Variants in CAPN14 observed in about 807,000 individuals in gnomAD.
CAPN14 encodes calpain 14.
Under a neutral mutation model 101.3 loss-of-function variants are expected in CAPN14, and 94 were observed. That is an observed-to-expected ratio of 0.93 (90% CI 0.79 to 1.10). The LOEUF (loss-of-function observed/expected upper bound fraction) is 1.10. Ranked by LOEUF, CAPN14 falls within the 50% of genes least tolerant of loss-of-function variation. The probability of loss-of-function intolerance (pLI) is 0.00; values close to 1 mark genes in which losing one functional copy is unlikely to be tolerated. For synonymous variants in CAPN14, 338 were observed against 317.9 expected (o/e 1.06, Z -0.67); for missense variants, 837 against 828.4 (o/e 1.01, Z -0.13).
chr2:31,187,611 A>G, intron 15 of CAPN14, 147 bp downstream of exon 15: 1 of 650,044 alleles, frequency 1.5e-6, no homozygotes. Context: ...GAGGACTTTA[A>G]TAGAAAGTGG....
intron 8 of CAPN14, among the ~76,000 whole-genome samples, chr2:31,195,684 G>T (rs1681438419): frequency 6.6e-6 from 1 of 152,154 alleles, no homozygotes; most frequent in Non-Finnish European, 1.5e-5. Flanking sequence ...ATCCCAGAGG[G>T]TCTACAATTT....
chr2:31,191,320 TCTAA>T, intron 12 of CAPN14, 75 bp downstream of exon 12: 1 of 1,370,250 alleles, frequency 7.3e-7, no homozygotes. Flanking sequence ...CCTGCTCCAG[TCTAA>T]CTAAATCCTG....
intron 7 of CAPN14, 120 bp from the exon 8 acceptor site, chr2:31,197,454 C>T (rs1027984870): frequency 1.1e-5 from 7 of 662,220 alleles, no homozygotes; most frequent in Non-Finnish European, 1.9e-5. Flanking sequence ...CCAGAGAGAG[C>T]TGGTAGAGGA....
chr2:31,231,748 C>G (rs1205956714), intron 1 of CAPN14, among the ~76,000 whole-genome samples: 2 of 152,154 alleles, frequency 1.3e-5, no homozygotes, highest in Non-Finnish European at 1.5e-5. Flanking sequence ...GTCACGCTGG[C>G]CATACTGACC....
intron 15 of CAPN14, among the ~76,000 whole-genome samples, chr2:31,187,434 C>G (rs1680950524): frequency 6.6e-6 from 1 of 151,748 alleles, no homozygotes; most frequent in South Asian, 2.1e-4. Context: ...ACCCCCCACC[C>G]CCTGTCCCAC....
At chr2:31,197,064 A>AT (rs2148685931) in intron 8 of CAPN14, among the ~76,000 whole-genome samples, 185 bp downstream of exon 8, 1 of 152,368 alleles carries the variant, frequency 6.6e-6, no homozygotes, top group South Asian at 2.1e-4. Flanking sequence ...TATTATAATG[A>AT]AAGAGAAAGC....
intron 6 of CAPN14, 74 bp from the exon 7 acceptor site, chr2:31,199,606 T>C: frequency 7.8e-7 from 1 of 1,275,744 alleles, no homozygotes; most frequent in South Asian, 1.3e-5. Flanking sequence ...GGAAGGCTGT[T>C]TGGCTGGAGC....
intron 3 of CAPN14, 95 bp from the exon 4 acceptor site, chr2:31,202,347 G>C: frequency 2.3e-6 from 2 of 881,288 alleles, no homozygotes; most frequent in Non-Finnish European, 3.6e-6. Context: ...CTCTGGGCTT[G>C]TAGCCCAGTT....
intron 17 of CAPN14, among the ~76,000 whole-genome samples, chr2:31,180,546 A>G (rs1157056172): frequency 1.3e-5 from 2 of 152,094 alleles, no homozygotes; most frequent in African/African-American, 4.8e-5. Context: ...TATTAAATGG[A>G]AAACATAGGG....
intron 18 of CAPN14, 88 bp downstream of exon 18, chr2:31,178,423 G>A (rs972652817): frequency 1.0e-6 from 1 of 976,330 alleles, no homozygotes; most frequent in South Asian, 1.4e-5. Context: ...ATAAAGGGCT[G>A]AAGGGGACAG....
chr2:31,223,097 G>A (rs1490198123), intron 2 of CAPN14, among the ~76,000 whole-genome samples: 1 of 152,202 alleles, frequency 6.6e-6, no homozygotes, highest in African/African-American at 2.4e-5. Context: ...AGAGCAGCCA[G>A]AAATAAATGT....
intron 1 of CAPN14, among the ~76,000 whole-genome samples, chr2:31,232,690 T>G (rs1462449809): frequency 6.6e-6 from 1 of 152,178 alleles, no homozygotes; most frequent in East Asian, 1.9e-4. Flanking sequence ...ACAGCATGAA[T>G]GAAACTGTCC....
At position 31,192,100 on chromosome 2, in the gene CAPN14, T is replaced by C; in HGVS notation, c.1115-2A>G. ...ACTGCGGGTTCTTCCAAAATGTGTCTGGAGCAGAACACAGCAAGGTGAGAA... is the reference window on the plus strand; with the variant it reads ...ACTGCGGGTTCTTCCAAAATGTGTCCGGAGCAGAACACAGCAAGGTGAGAA... On this transcript the variant is annotated splice_acceptor_variant, in intron 10 of 21. Transcript: ENST00000403897. LOFTEE classifies it high-confidence loss of function. 1 of 1,546,598 alleles carries C rather than the reference T, an allele frequency of 6.5e-7. No homozygotes were observed. Among genetic ancestry groups the C allele is most frequent in the Non-Finnish European group, 8.7e-7 (1 of 1,144,524 alleles).
chr2:31,189,445 A>T lies in CAPN14; in HGVS notation c.1321T>A (p.Phe441Ile), dbSNP rs1226864481. The change falls in exon 13 of 22, where the codon TTC (phenylalanine) becomes ATC (isoleucine). Residue 441 changes from phenylalanine to isoleucine, a missense_variant. Transcript: ENST00000403897. ...HDDQRRLPPE[F>I]FQRNTPLSQP... ...CTCAGAGGAGTGTTTCTCTGGAAGAACTCAGGGGGCAGTCTCCTCTGGTCA... is the reference window on the plus strand; with the variant it reads ...CTCAGAGGAGTGTTTCTCTGGAAGATCTCAGGGGGCAGTCTCCTCTGGTCA... 6.4e-7 allele frequency: 1 copy of T among 1,551,642 alleles called. No individual in the cohort carries two copies. The highest frequency in any genetic ancestry group is 8.7e-7 in the Non-Finnish European group (1 of 1,146,984).
intron 2 of CAPN14, among the ~76,000 whole-genome samples, chr2:31,225,650 G>A (rs73922286): frequency 0.048 from 7,356 of 152,072 alleles, 610 homozygotes; most frequent in African/African-American, 0.17. Flanking sequence ...GTCCATTATT[G>A]AATATAGTTA....
rs1681702494 is a variant in CAPN14, at chr2:31,200,552, T to C, written c.625A>G (p.Thr209Ala). The C allele has an allele frequency of 6.4e-7, 1 of 1,551,582 alleles. No individual in the cohort carries two copies. The highest frequency in any genetic ancestry group is 1.4e-5 in the African/African-American group (1 of 73,044). The change falls in exon 6 of 22, where the codon ACA becomes GCA. Residue 209 changes from threonine (T) to alanine (A), a missense_variant. Thr to Ala is a moderately conservative substitution (Grantham distance 58). Transcript: ENST00000403897. Reference protein sequence around the residue: ...EALVDFTGGVTMTINLAEAHG... With the variant: ...EALVDFTGGVAMTINLAEAHG... ...GCTTCTGCCAGGTTGATGGTCATTG[T>C]CACCCCTCCAGTGAAGTCTACAAGG...
intron 1 of CAPN14, among the ~76,000 whole-genome samples, chr2:31,209,062 T>C (rs1056897321): frequency 1.3e-5 from 2 of 151,814 alleles, no homozygotes; most frequent in African/African-American, 4.8e-5. Context: ...CTTGAACTCC[T>C]GGGCTTAAGG....
upstream of CAPN14, among the ~76,000 whole-genome samples, chr2:31,220,201 A>C (rs919225431): frequency 6.6e-6 from 1 of 152,128 alleles, no homozygotes; most frequent in Admixed American, 6.5e-5. Flanking sequence ...AGAAGTAAAA[A>C]AATCCAGTTG....
rs776537232 is a variant in CAPN14, at chr2:31,173,182, T to G, written c.*1499A>C. The G allele has an allele frequency of 7.2e-5, 11 of 152,228 alleles. No individual in the cohort carries two copies. Among genetic ancestry groups the G allele is most frequent in the Non-Finnish European group, 1.6e-4 (11 of 68,046 alleles). 9.4% of individuals were successfully genotyped at this position (152,228 alleles called of 1,614,324 possible). A position where few individuals can be genotyped will look rare whatever the true frequency, so the allele number is the denominator to read the frequency against. ...AAGGCTGTAAATACATGATCATCAT[T>G]TATAAAATCAACAACATCTCATGTA... On this transcript the variant is annotated 3_prime_UTR_variant, in exon 22 of 22. Transcript: ENST00000403897.
Sources: gnomAD v4.1 joint callset for allele counts (sites outside exome capture counted in the v4.1 genomes callset) on GRCh38, gnomAD v4.1.1 for gene constraint, MANE v1.5 for transcripts, NCBI Gene and HGNC (gene_info 2026-07-23, HGNC 2026-07-21) for gene names.